Variants in SPHK2 observed in about 807,000 individuals in gnomAD.
SPHK2 encodes sphingosine kinase 2.
Under a neutral mutation model 32.3 loss-of-function variants are expected in SPHK2, and 18 were observed. That is an observed-to-expected ratio of 0.56 (90% CI 0.39 to 0.83). The LOEUF (loss-of-function observed/expected upper bound fraction) is 0.83, where lower values mean the gene tolerates loss of function less well. Among genes scored for constraint, SPHK2 ranks in the 40% least tolerant of loss-of-function variants. The pLI is 0.00. For synonymous variants in SPHK2, 462 were observed against 417.6 expected (o/e 1.11, Z -1.30); for missense variants, 850 against 908.7 (o/e 0.94, Z 0.83).
In SPHK2 at chr19:48,628,672, G is replaced by A. The variant is rs2030234381; in HGVS notation, c.873-9G>A. 1 of 1,607,848 alleles carries A rather than the reference G, an allele frequency of 6.2e-7. No individual in the cohort carries two copies. Among genetic ancestry groups the A allele is most frequent in the South Asian group, 1.1e-5 (1 of 91,046 alleles). The stretch of plus-strand genomic sequence containing the variant: ...CCTTCTGTGTGTCCGTCCATCTCCG[G>A]CTGTGAAGATTTGAGCCAGCCCTGG... On this transcript the variant is annotated splice_polypyrimidine_tract_variant and intron_variant, in intron 6 of 6. Transcript: ENST00000245222. This position sits in a 1 kb window ranked among gnomAD's most constrained non-coding sequence, Gnocchi z 5.2.
chr19:48,625,514 A>G (rs1244577656), intron 2 of SPHK2: 6 of 1,234,146 alleles, frequency 4.9e-6, no homozygotes, highest in Non-Finnish European at 6.2e-6. Context: ...GCCCGTTATC[A>G]TCACCCAACC....
At position 48,625,969 on chromosome 19, in the gene SPHK2, C is replaced by A. The variant is rs1211559574; in HGVS notation, c.118C>A (p.Pro40Thr). 1 of 1,612,650 alleles carries A rather than the reference C, an allele frequency of 6.2e-7. No individual in the cohort carries two copies. Among genetic ancestry groups the A allele is most frequent in the East Asian group, 2.2e-5 (1 of 44,870 alleles). ...GGTCAGGGCTAAGGCCATGGCCCCG[C>A]CCCCACCGCCACTGGCTGCCAGCAC... ...TLVRAKAMAPPPPPLAASTPL... is the reference protein window; with the variant it reads ...TLVRAKAMAPTPPPLAASTPL... Residue 40 changes from proline (P) to threonine (T), a missense_variant, in exon 3 of 7, where the codon CCC (proline) becomes ACC (threonine). This residue lies in a region of SPHK2 where 544 missense variants were observed against 640.0 expected (regional missense o/e 0.85). Coordinates refer to ENST00000245222, the MANE Select transcript of SPHK2 (RefSeq NM_020126.5).
rs954258899 is a variant in SPHK2 at position 48,629,833 on chromosome 19, G to C, written c.*60G>C. ...CCTACATTCCAATGGGGCGGAGCCT[G>C]AGCTAGGGGGTGTGGCCTGGCTGCT... On this transcript the variant is annotated 3_prime_UTR_variant, in exon 7 of 7. Transcript: ENST00000245222. The C allele has an allele frequency of 8.7e-6, 13 of 1,501,382 alleles. No individual in the cohort carries two copies. The highest frequency in any genetic ancestry group is 1.2e-5 in the Non-Finnish European group (13 of 1,125,518). 93.0% of individuals were successfully genotyped at this position (1,501,382 alleles called of 1,614,324 possible). A position where few individuals can be genotyped will look rare whatever the true frequency, so the allele number is the denominator to read the frequency against.
chr19:48,626,522 A>T (rs531886605), intron 3 of SPHK2, 160 bp downstream of exon 3: 15 of 985,342 alleles, frequency 1.5e-5, no homozygotes, highest in Admixed American at 3.6e-5. Flanking sequence ...GAAGGAACAA[A>T]AAGACAAGAG....
chr19:48,628,577 CA>C lies in SPHK2; in HGVS notation c.873-103del. On this transcript the variant is annotated intron_variant, in intron 6 of 6. Coordinates refer to ENST00000245222, the MANE Select transcript of SPHK2 (RefSeq NM_020126.5). The surrounding 1 kb of genome is among the most constrained non-coding windows in gnomAD (Gnocchi z 5.2). ...CCCCACGGCTGTGGTGGGCCTGGGC[CA>C]TGGCCTTCGTGGTCTCATTGCCAGC... 7.0e-7 allele frequency: 1 copy of C among 1,426,996 alleles called. No homozygotes were observed. The highest frequency in any genetic ancestry group is 1.2e-5 in the South Asian group (1 of 85,648). The allele number at this position is 1,426,996 out of a possible 1,614,324, so 88.4% of individuals were successfully genotyped here.
In SPHK2 at chr19:48,622,757, C is replaced by CTTTTTTTTTTTTTTTTTTTTTTT. The variant is rs779108312; in HGVS notation, c.39+2208_39+2230dup. ...CAAACTTCTTCCTACATTTGTCTCT[C>CTTTTTTTTTTTTTTTTTTTTTTT]TTTTTTTTTTTTTTTTTTTTTTTTT... On this transcript the variant is annotated intron_variant, in intron 2 of 6. Transcript: ENST00000245222. Among the ~76,000 whole-genome samples, 9 of 108,546 alleles carry CTTTTTTTTTTTTTTTTTTTTTTT rather than the reference C, an allele frequency of 8.3e-5. 1 individual carries two copies. Among genetic ancestry groups the CTTTTTTTTTTTTTTTTTTTTTTT allele is most frequent in the African/African-American group, 1.3e-4 (4 of 30,250 alleles). The allele number at this position is 108,546 out of a possible 152,430, so 71.2% of individuals were successfully genotyped here.
intron 2 of SPHK2, chr19:48,623,301 C>T (rs908724409): frequency 2.6e-5 from 4 of 151,542 alleles, no homozygotes; most frequent in African/African-American, 9.7e-5. Context: ...AGGCTGGTCT[C>T]GGACTCCTGA....
intron 2 of SPHK2, chr19:48,625,245 G>C (rs1332048379): frequency 1.7e-5 from 18 of 1,067,376 alleles, no homozygotes; most frequent in Non-Finnish European, 1.9e-5. Context: ...CTTTCTCGTT[G>C]GGGTGAAAAA....
intron 2 of SPHK2, chr19:48,624,244 T>C (rs1974517775): frequency 1.3e-5 from 2 of 152,258 alleles, no homozygotes; most frequent in Admixed American, 6.5e-5. Flanking sequence ...TCTCGGCCTC[T>C]CCCGCGGCCG....
At chr19:48,624,571 AGGCCTGGGACT>A (rs1568430075) in intron 2 of SPHK2, 2 of 152,286 alleles carry the variant, frequency 1.3e-5, no homozygotes, top group African/African-American at 4.8e-5. Flanking sequence ...GAACCCAGCC[AGGCCTGGGACT>A]GGGTTCTGGA....
Position 48,629,053 on chromosome 19 carries a change from C to G in SPHK2, c.1245C>G (p.Pro415=). ...CAGCCCCGCCCATGGCCCACTCACC[C>G]CTGCATCGTTCTGTGTCTGACCTGC... is the stretch of plus-strand genomic sequence containing the variant. ...PDPAPPMAHS[P]LHRSVSDLPL... is the part of the protein sequence containing the mutation. The change falls in exon 7 of 7, where the codon CCC becomes CCG. Residue 415 remains proline (P), a synonymous_variant. Transcript: ENST00000245222. 6.2e-7 allele frequency: 1 copy of G among 1,613,342 alleles called. No individual in the cohort carries two copies. Among genetic ancestry groups the G allele is most frequent in the Non-Finnish European group, 8.5e-7 (1 of 1,179,778 alleles).
Position 48,629,893 on chromosome 19 carries a change from A to G in SPHK2, c.*120A>G, listed in dbSNP as rs1014471930. 4.8e-6 allele frequency: 7 copies of G among 1,444,906 alleles called. No homozygotes were observed. Among genetic ancestry groups the G allele is most frequent in the Non-Finnish European group, 6.4e-6 (7 of 1,099,962 alleles). The allele number at this position is 1,444,906 out of a possible 1,614,324, so 89.5% of individuals were successfully genotyped here. A position where few individuals can be genotyped will look rare whatever the true frequency, so the allele number is the denominator to read the frequency against. On this transcript the variant is annotated 3_prime_UTR_variant, in exon 7 of 7. Transcript: ENST00000245222. ...GTGGCAGGGGCCCTGGCCCCGTCTC[A>G]GGATTGCGCTCGCTTTCATGGGACC...
rs1369054672 is a variant in SPHK2 at position 48,629,077 on chromosome 19, G to A, written c.1269G>A (p.Leu423=). The part of the protein sequence containing the change: ...HSPLHRSVSD[L]PLPLPQPALA... ...CCCTGCATCGTTCTGTGTCTGACCT[G>A]CCTCTTCCCCTGCCCCAGCCTGCCC... The change falls in exon 7 of 7, where the codon CTG becomes CTA. Residue 423 remains leucine, a synonymous_variant. Coordinates refer to ENST00000245222, the MANE Select transcript of SPHK2 (RefSeq NM_020126.5). The A allele has an allele frequency of 1.2e-6, 2 of 1,613,198 alleles. No individual in the cohort carries two copies. Among genetic ancestry groups the A allele is most frequent in the South Asian group, 1.1e-5 (1 of 91,076 alleles).
rs778924261 is a variant in SPHK2, at chr19:48,628,867, G to A, written c.1059G>A (p.Leu353=). 6.2e-7 allele frequency: 1 copy of A among 1,613,752 alleles called. No homozygotes were observed. The highest frequency in any genetic ancestry group is 8.5e-7 in the Non-Finnish European group (1 of 1,180,020). Residue 353 remains leucine (L), a synonymous_variant, in exon 7 of 7, where the codon TTG becomes TTA. Transcript: ENST00000245222. The surrounding 1 kb of genome is among the most constrained non-coding windows in gnomAD (Gnocchi z 5.2). ...VDIQSERFRA[L]GSARFTLGTV... is the part of the protein sequence containing the mutation. ...TCCAGAGCGAGCGCTTCAGGGCCTT[G>A]GGCAGTGCCCGCTTCACACTGGGCA...
intron 3 of SPHK2, chr19:48,626,595 A>G (rs2029918072): frequency 2.0e-6 from 1 of 498,784 alleles, no homozygotes; most frequent in Non-Finnish European, 3.4e-6. Context: ...CGGGTGGATC[A>G]CCTGAGGTCA....
intron 3 of SPHK2, 119 bp downstream of exon 3, chr19:48,626,481 C>T (rs1041305420): frequency 2.8e-5 from 36 of 1,282,692 alleles, no homozygotes; most frequent in Middle Eastern, 5.4e-4. Flanking sequence ...TCTCTGGATC[C>T]GTTAGGAGTG....
intron 2 of SPHK2, among the ~76,000 whole-genome samples, chr19:48,621,361 G>A (rs1205148533): frequency 6.6e-6 from 1 of 152,200 alleles, no homozygotes; most frequent in Admixed American, 6.5e-5. Context: ...TTACAGGCAT[G>A]AGCCACTGCA....
chr19:48,628,692 C>T lies in SPHK2; in HGVS notation c.884C>T (p.Ala295Val), dbSNP rs1185013887. ...AVNQHGGFEP[A>V]LGLDLLLNCS... ...CTCCGGCTGTGAAGATTTGAGCCAGCCCTGGGCCTCGACCTGTTGCTCAAC... is the reference window on the plus strand; with the variant it reads ...CTCCGGCTGTGAAGATTTGAGCCAGTCCTGGGCCTCGACCTGTTGCTCAAC... The change falls in exon 7 of 7, where the codon GCC (alanine) becomes GTC (valine). Residue 295 changes from alanine (A) to valine (V), a missense_variant. Physicochemically the swap from Ala to Val is moderately conservative, Grantham distance 64. Coordinates refer to ENST00000245222, the MANE Select transcript of SPHK2 (RefSeq NM_020126.5). This position sits in a 1 kb window ranked among gnomAD's most constrained non-coding sequence, Gnocchi z 5.2. The T allele has an allele frequency of 1.4e-5, 23 of 1,611,104 alleles. No individual in the cohort carries two copies. The highest frequency in any genetic ancestry group is 1.8e-5 in the Non-Finnish European group (21 of 1,179,758).
At chr19:48,621,520 C>T (rs1207794036) in intron 2 of SPHK2, among the ~76,000 whole-genome samples, 2 of 152,168 alleles carry the variant, frequency 1.3e-5, no homozygotes, top group African/African-American at 4.8e-5. Flanking sequence ...AGCCTGGGAG[C>T]CCTTCCATAA....
Sources: allele counts gnomAD v4.1 joint callset (sites outside exome capture counted in the v4.1 genomes callset), GRCh38; gene constraint gnomAD v4.1.1; regional missense constraint gnomAD v4.1.1; non-coding constraint Gnocchi (gnomAD v3.1); transcripts MANE v1.5; gene names NCBI Gene and HGNC (gene_info 2026-07-23, HGNC 2026-07-21).